Variants in MRPL22 observed in about 807,000 individuals in gnomAD.
The protein encoded by MRPL22 is mitochondrial ribosomal protein L22, also known as large ribosomal subunit protein uL22m.
A neutral mutation model predicts 32.4 loss-of-function variants in MRPL22; 27 were observed. The ratio of observed to expected loss-of-function variants is 0.83; its 90% CI spans 0.61 to 1.15. The LOEUF (loss-of-function observed/expected upper bound fraction) is 1.15. Among genes scored for constraint, MRPL22 ranks in the 50% most tolerant of loss-of-function variants. MRPL22 has a pLI of 0.00. For synonymous variants in MRPL22, 86 were observed against 87.3 expected (o/e 0.99, Z 0.08); for missense variants, 239 against 260.2 (o/e 0.92, Z 0.56).
At chr5:154,958,005 C>T (rs1308941269) in intron 5 of MRPL22, among the ~76,000 whole-genome samples, 1 of 151,100 alleles carries the variant, frequency 6.6e-6, no homozygotes, top group Non-Finnish European at 1.5e-5. Context: ...CAGTCTCCGC[C>T]TCCTGCGTTC....
intron 3 of MRPL22, among the ~76,000 whole-genome samples, chr5:154,954,552 C>T (rs1337796940): frequency 6.6e-6 from 1 of 152,082 alleles, no homozygotes; most frequent in Non-Finnish European, 1.5e-5. Context: ...GACTTTGTCT[C>T]GTTTATCTTT....
At chr5:154,954,895 C>T (rs947237449) in intron 3 of MRPL22, among the ~76,000 whole-genome samples, 1 of 152,096 alleles carries the variant, frequency 6.6e-6, no homozygotes, top group Non-Finnish European at 1.5e-5. Flanking sequence ...GGGTTCATGG[C>T]ATTCTCCCGC....
intron 3 of MRPL22, among the ~76,000 whole-genome samples, chr5:154,952,039 TC>T (rs1181058707): frequency 6.6e-6 from 1 of 151,868 alleles, no homozygotes; most frequent in Non-Finnish European, 1.5e-5. Flanking sequence ...CCTGCCACCA[TC>T]CCGGCTAATT....
At chr5:154,945,079 CTTATGT>C (rs1233782514) in intron 2 of MRPL22, among the ~76,000 whole-genome samples, 1 of 152,074 alleles carries the variant, frequency 6.6e-6, no homozygotes, top group Non-Finnish European at 1.5e-5. Flanking sequence ...TATGATCTGA[CTTATGT>C]TTATGAGTGG....
Position 154,943,156 on chromosome 5 carries a change from T to C in MRPL22, c.77+1891T>C, listed in dbSNP as rs78147322. On this transcript the variant is annotated intron_variant, in intron 2 of 6. Transcript: ENST00000523037. The stretch of plus-strand genomic sequence containing the variant: ...AGAAACTTTTTTTTCCTTTTTTTTT[T>C]GGAGACACGGTCTCGCTCTGTGCCT... 1.1e-3 allele frequency among the ~76,000 whole-genome samples: 163 copies of C among 152,228 alleles called. 3 individuals carry two copies. Among genetic ancestry groups the C allele is most frequent in the African/African-American group, 3.8e-3 (158 of 41,548 alleles).
In MRPL22 at chr5:154,968,489, G is replaced by C. The variant is rs1463214022; in HGVS notation, c.*1592G>C. The C allele has an allele frequency of 1.3e-5, 2 of 152,202 alleles. No homozygotes were observed. Among genetic ancestry groups the C allele is most frequent in the East Asian group, 3.8e-4 (2 of 5,200 alleles). The allele number at this position is 152,202 out of a possible 1,614,324, so 9.4% of individuals were successfully genotyped here. A position where few individuals can be genotyped will look rare whatever the true frequency, so the allele number is the denominator to read the frequency against. Reference sequence around the variant, plus strand: ...TGAAACAAGAGACTCAATGTTCTCTGTAGAAAACCTTTTTTAGAATCACTT... The same window carrying C: ...TGAAACAAGAGACTCAATGTTCTCTCTAGAAAACCTTTTTTAGAATCACTT... On this transcript the variant is annotated 3_prime_UTR_variant, in exon 7 of 7. Transcript: ENST00000523037.
chr5:154,966,888 C>T lies in MRPL22; in HGVS notation c.612C>T (p.His204=), dbSNP rs1764776413. Residue 204 remains histidine, a synonymous_variant, in exon 7 of 7, where the codon CAC becomes CAT. Transcript: ENST00000523037. ...AGCTTCGCAGCCGGACCATCGTTCA[C>T]ACTCTATGATGAGGAGATTCAGACT... is the stretch of plus-strand genomic sequence containing the variant. The part of the protein sequence containing the change: ...IQQLRSRTIV[H]TL 3 of 1,611,454 alleles carry T rather than the reference C, an allele frequency of 1.9e-6. No homozygotes were observed. The South Asian group carries it at 3.3e-5, about 18-fold the overall frequency.
At position 154,950,896 on chromosome 5, in the gene MRPL22, T is replaced by C. The variant is rs1425796505; in HGVS notation, c.153T>C (p.Ile51=). 1.2e-6 allele frequency: 2 copies of C among 1,613,808 alleles called. No homozygotes were observed. The highest frequency in any genetic ancestry group is 8.5e-7 in the Non-Finnish European group (1 of 1,179,714). ...GAAAATGGGAGAAGAAGAATAAAAT[T>C]GTTTATCCTCCACAACTGCCTGGAG... is the stretch of plus-strand genomic sequence containing the variant. The part of the protein sequence containing the change: ...ISRKWEKKNK[I]VYPPQLPGEP... The change falls in exon 3 of 7, where the codon ATT becomes ATC. Residue 51 remains isoleucine (I), a synonymous_variant. Coordinates refer to ENST00000523037, the MANE Select transcript of MRPL22 (RefSeq NM_014180.4).
chr5:154,943,287 C>T (rs1447021772), intron 2 of MRPL22, among the ~76,000 whole-genome samples: 1 of 151,924 alleles, frequency 6.6e-6, no homozygotes, highest in African/African-American at 2.4e-5. Flanking sequence ...GCCATCACAC[C>T]TGGCTAATTT....
At chr5:154,941,531 A>C (rs917290271) in intron 2 of MRPL22, among the ~76,000 whole-genome samples, 15 of 152,218 alleles carry the variant, frequency 9.9e-5, no homozygotes, top group African/African-American at 3.6e-4. Flanking sequence ...ACAAGGTTAG[A>C]CTATTCCATC....
intron 3 of MRPL22, among the ~76,000 whole-genome samples, chr5:154,954,114 T>A (rs1764601609): frequency 6.6e-6 from 1 of 151,478 alleles, no homozygotes; most frequent in Admixed American, 6.6e-5. Flanking sequence ...CTCAGCCTCC[T>A]GAGTAGCTGG....
At chr5:154,953,023 A>G (rs1331229075) in intron 3 of MRPL22, among the ~76,000 whole-genome samples, 2 of 152,208 alleles carry the variant, frequency 1.3e-5, no homozygotes, top group African/African-American at 4.8e-5. Context: ...TCCAAAGAAT[A>G]TAGATTCTTA....
chr5:154,955,249 C>T (rs1271706967), intron 3 of MRPL22: 1 of 152,196 alleles, frequency 6.6e-6, no homozygotes, highest in Non-Finnish European at 1.5e-5. Context: ...CTGTCTGCTT[C>T]TATTGCAACT....
chr5:154,941,634 G>T (rs1349569139), intron 2 of MRPL22, among the ~76,000 whole-genome samples: 1 of 152,132 alleles, frequency 6.6e-6, no homozygotes, highest in African/African-American at 2.4e-5. Flanking sequence ...GCTTTACGTC[G>T]TACCTGACAT....
intron 5 of MRPL22, among the ~76,000 whole-genome samples, chr5:154,959,553 A>G (rs779611071): frequency 2.0e-5 from 3 of 151,314 alleles, no homozygotes; most frequent in Admixed American, 2.0e-4. Flanking sequence ...CATGTTTGCC[A>G]GGCTGGTCTC....
chr5:154,957,091 G>T, intron 4 of MRPL22, 44 bp from the exon 5 acceptor site: 1 of 1,520,768 alleles, frequency 6.6e-7, no homozygotes, highest in Non-Finnish European at 9.1e-7. Context: ...CATTGACTTT[G>T]TAAACTAATT....
intron 6 of MRPL22, among the ~76,000 whole-genome samples, chr5:154,965,083 A>G (rs1454474931): frequency 6.6e-6 from 1 of 152,180 alleles, no homozygotes; most frequent in Non-Finnish European, 1.5e-5. Flanking sequence ...TCCCTATCTC[A>G]CTTAGACCCT....
chr5:154,962,054 ATC>A (rs1357889874), intron 6 of MRPL22, among the ~76,000 whole-genome samples: 3 of 152,162 alleles, frequency 2.0e-5, no homozygotes, highest in African/African-American at 7.2e-5. Context: ...CTGTCTTTTC[ATC>A]TACTTCTGTG....
intron 2 of MRPL22, among the ~76,000 whole-genome samples, chr5:154,947,682 A>C (rs1009596149): frequency 6.6e-6 from 1 of 152,220 alleles, no homozygotes; most frequent in Non-Finnish European, 1.5e-5. Flanking sequence ...CTAGAATACA[A>C]AGAAAGTCGG....
Sources: allele counts gnomAD v4.1 joint callset (sites outside exome capture counted in the v4.1 genomes callset), GRCh38; gene constraint gnomAD v4.1.1; transcripts MANE v1.5; gene names NCBI Gene and HGNC (gene_info 2026-07-23, HGNC 2026-07-21).